TTN: variants seen among roughly 807,000 people sequenced by gnomAD.
TTN encodes the protein connectin.
Under a neutral mutation model 3,223.0 loss-of-function variants are expected in TTN, and 1,525 were observed. That is an observed-to-expected ratio of 0.47 (90% CI 0.45 to 0.49). The LOEUF (loss-of-function observed/expected upper bound fraction) is 0.49, where lower values mean the gene tolerates loss of function less well. Ranked by LOEUF, TTN falls within the 20% of genes least tolerant of loss-of-function variation. TTN has a pLI of 0.00. For synonymous variants in TTN, 14,094 were observed against 15,161.0 expected, an observed-to-expected ratio of 0.93 and a Z score of 5.17; for missense variants, 40,786 against 43,424.0, an observed-to-expected ratio of 0.94 and a Z score of 5.40.
rs1406462741 is a variant in TTN, at chr2:178,589,499, T to C, written c.62226A>G (p.Arg20742=). Residue 20742 remains arginine, a synonymous_variant, in exon 304 of 363, where the codon AGA becomes AGG. Transcript: ENST00000589042. Reference sequence around the variant, plus strand: ...CCCCACCTTCATTCTTTGTTTGCACTCTGAACTCATAAATCTGGTTTTCAA... The same window carrying C: ...CCCCACCTTCATTCTTTGTTTGCACCCTGAACTCATAAATCTGGTTTTCAA... ...RCVENQIYEF[R]VQTKNEGGES... 9 of 1,613,294 alleles carry C rather than the reference T, an allele frequency of 5.6e-6. No individual in the cohort carries two copies. Among genetic ancestry groups the C allele is most frequent in the Non-Finnish European group, 6.8e-6 (8 of 1,179,640 alleles).
chr2:178,732,999 C>G lies in TTN; in HGVS notation c.16177G>C (p.Asp5393His). 6.2e-7 allele frequency: 1 copy of G among 1,613,570 alleles called. No homozygotes were observed. The highest frequency in any genetic ancestry group is 8.5e-7 in the Non-Finnish European group (1 of 1,179,754). The change falls in exon 55 of 363, where the codon GAT becomes CAT. Residue 5393 changes from aspartate (D) to histidine (H), a missense_variant. Transcript: ENST00000589042. ...SLPMRVSWFKDGKEIAASDRY... is the reference protein window; with the variant it reads ...SLPMRVSWFKHGKEIAASDRY... The stretch of plus-strand genomic sequence containing the variant: ...TCAGAAGCAGCTATTTCTTTGCCAT[C>G]CTTAAACCAGGACACCCTCATGGGG...
In TTN at chr2:178,611,948, G is replaced by A. The variant is rs1474397801; in HGVS notation, c.50361C>T (p.Val16787=). Residue 16787 remains valine, a synonymous_variant, in exon 268 of 363, where the codon GTC becomes GTT. Transcript: ENST00000589042. ...NDGGRPIQRY[V]IEKKERLGTR... is the part of the protein sequence containing the mutation. ...TACCTAACCTTTCTTTCTTCTCAAT[G>A]ACATATCTATTGAAACAACAAAGCA... The A allele has an allele frequency of 6.2e-7, 1 of 1,611,048 alleles. No individual in the cohort carries two copies. Among genetic ancestry groups the A allele is most frequent in the Admixed American group, 1.7e-5 (1 of 59,570 alleles).
Position 178,598,582 on chromosome 2 carries a change from G to T in TTN, c.57035C>A (p.Pro19012Gln), listed in dbSNP as rs777291480. 14 of 1,608,410 alleles carry T rather than the reference G, an allele frequency of 8.7e-6. No individual in the cohort carries two copies. The highest frequency in any genetic ancestry group is 1.0e-5 in the Non-Finnish European group (12 of 1,178,586). The change falls in exon 292 of 363, where the codon CCA becomes CAA. Residue 19012 changes from proline to glutamine, a missense_variant. By Grantham distance (76) the Pro-to-Gln change is moderately conservative. Transcript: ENST00000589042. ...TACTTTGGATCCACCATCTTTTAGT[G>T]GGGGAGACCACTCCAGATCTGCAGA... ...KSSADLEWSP[P>Q]LKDGGSKVTG...
In TTN at chr2:178,710,839, C is replaced by T. The variant is rs777186750; in HGVS notation, c.28258G>A (p.Val9420Ile). The T allele has an allele frequency of 3.7e-6, 6 of 1,613,720 alleles. No homozygotes were observed. Among genetic ancestry groups the T allele is most frequent in the South Asian group, 3.3e-5 (3 of 91,084 alleles). ...ACCTTTATCGGTTGTGTGCCCGTGA[C>T]GTGGCACTCAAAGTCAGCACTTTCT... The part of the protein sequence containing the change: ...VGESADFECH[V>I]TGTQPIKVSW... The change falls in exon 98 of 363, where the codon GTC becomes ATC. Residue 9420 changes from valine to isoleucine, a missense_variant. Transcript: ENST00000589042.
chr2:178,696,330 C>A, intron 113 of TTN, 61 bp from the exon 114 acceptor site: 1 of 1,320,036 alleles, frequency 7.6e-7, no homozygotes, highest in Non-Finnish European at 1.0e-6. Context: ...CTTCACTAAA[C>A]AAAAATCTAC....
At position 178,776,893 on chromosome 2, in the gene TTN, C is replaced by G. The variant is rs2092283923; in HGVS notation, c.4971G>C (p.Glu1657Asp). The change falls in exon 28 of 363, where the codon GAG (glutamate) becomes GAC (aspartate). Residue 1657 changes from glutamate (E) to aspartate (D), a missense_variant. Glu to Asp is a conservative substitution (Grantham distance 45). Coordinates refer to ENST00000589042, the MANE Select transcript of TTN (RefSeq NM_001267550.2). ...VEVEFAEPEP[E>D]RKLIIPRGTY... ...TCCCCCGTGGGATGATTAACTTTCT[C>G]TCTGGCTCAGGCTCTGCAAACTCAA... The G allele has an allele frequency of 1.2e-6, 2 of 1,612,804 alleles. No individual in the cohort carries two copies.
intron 211 of TTN, 84 bp downstream of exon 211, chr2:178,649,733 C>T: frequency 6.4e-7 from 1 of 1,554,376 alleles, no homozygotes. Flanking sequence ...AGTTAACAAA[C>T]ATATAATACA....
At chr2:178,666,784 A>T in intron 163 of TTN, 40 bp downstream of exon 163, 1 of 1,498,304 alleles carries the variant, frequency 6.7e-7, no homozygotes, top group Non-Finnish European at 9.0e-7. Context: ...GTACAACTGC[A>T]AACATGAGAT....
In TTN at chr2:178,548,072, C is replaced by A. The variant is rs771533925; in HGVS notation, c.93554G>T (p.Arg31185Leu). 1 of 1,613,844 alleles carries A rather than the reference C, an allele frequency of 6.2e-7. No homozygotes were observed. The highest frequency in any genetic ancestry group is 2.2e-5 in the East Asian group (1 of 44,868). The change falls in exon 339 of 363, where the codon CGT (arginine) becomes CTT (leucine). Residue 31185 changes from arginine (R) to leucine (L), a missense_variant. Physicochemically the swap from Arg to Leu is moderately radical, Grantham distance 102. Coordinates refer to ENST00000589042, the MANE Select transcript of TTN (RefSeq NM_001267550.2). This position sits in a 1 kb window ranked among gnomAD's most constrained non-coding sequence, Gnocchi z 4.3. ...GCCAGCATCATTCTTGGCCTTCACA[C>A]GGAATTCATATTCAGTTTTCTCAAC... ...RLVEKTEYEF[R>L]VKAKNDAGYS...
intron 43 of TTN, among the ~76,000 whole-genome samples, chr2:178,762,950 A>G (rs2089596187): frequency 6.6e-6 from 1 of 152,250 alleles, no homozygotes; most frequent in Non-Finnish European, 1.5e-5. Context: ...CACCATCTCC[A>G]TTCCTGAGGA....
chr2:178,616,487 A>G lies in TTN; in HGVS notation c.48304T>C (p.Trp16102Arg), dbSNP rs1177161673. ...TGCTGCTCAAAACTCACTTTAGTCC[A>G]TGTTTTCCGGCTGACTTCTCGTTTT... ...VEKREVSRKTWTKVMDFVTDL... is the reference protein window; with the variant it reads ...VEKREVSRKTRTKVMDFVTDL... Residue 16102 changes from tryptophan (W) to arginine (R), a missense_variant, in exon 257 of 363, where the codon TGG (tryptophan) becomes CGG (arginine). Coordinates refer to ENST00000589042, the MANE Select transcript of TTN (RefSeq NM_001267550.2). The G allele has an allele frequency of 1.2e-6, 2 of 1,612,088 alleles. No homozygotes were observed. The highest frequency in any genetic ancestry group is 1.7e-6 in the Non-Finnish European group (2 of 1,178,744).
At position 178,636,883 on chromosome 2, in the gene TTN, CA is replaced by C; in HGVS notation, c.40928-85del. The C allele has an allele frequency of 6.9e-7, 1 of 1,440,020 alleles. No homozygotes were observed. The highest frequency in any genetic ancestry group is 9.2e-7 in the Non-Finnish European group (1 of 1,085,954). 89.2% of individuals were successfully genotyped at this position (1,440,020 alleles called of 1,614,324 possible). ...TACTTGGCTGCCTGCTGGATAAAAC[CA>C]GCCGTAAAGCAATTAGAAGACGAGA... On this transcript the variant is annotated intron_variant, in intron 224 of 362. Transcript: ENST00000589042. The surrounding 1 kb of genome is among the most constrained non-coding windows in gnomAD (Gnocchi z 4.3).
Position 178,645,902 on chromosome 2 carries a change from G to A in TTN, c.40408+18C>T. 1.3e-6 allele frequency: 2 copies of A among 1,487,954 alleles called. No individual in the cohort carries two copies. The highest frequency in any genetic ancestry group is 1.8e-6 in the Non-Finnish European group (2 of 1,104,700). The allele number at this position is 1,487,954 out of a possible 1,614,324, so 92.2% of individuals were successfully genotyped here. ...GTTTGAAGCAGGCTAATAAAACTTT[G>A]GAAGTGGCATTTTTTACCTTTAAGT... On this transcript the variant is annotated intron_variant, in intron 217 of 362. Coordinates refer to ENST00000589042, the MANE Select transcript of TTN (RefSeq NM_001267550.2).
intron 332 of TTN, 90 bp from the exon 333 acceptor site, chr2:178,554,306 G>A: frequency 6.9e-7 from 1 of 1,452,858 alleles, no homozygotes; most frequent in Non-Finnish European, 9.3e-7. Flanking sequence ...CAAGAACATT[G>A]GTTTTATTTT....
At position 178,735,792 on chromosome 2, in the gene TTN, A is replaced by G. The variant is rs794729605; in HGVS notation, c.14654T>C (p.Ile4885Thr). The G allele has an allele frequency of 4.3e-6, 7 of 1,613,760 alleles. No individual in the cohort carries two copies. The highest frequency in any genetic ancestry group is 3.3e-5 in the South Asian group (3 of 91,078). The change falls in exon 50 of 363, where the codon ATT becomes ACT. Residue 4885 changes from isoleucine to threonine, a missense_variant. By Grantham distance (89) the Ile-to-Thr change is moderately conservative (BLOSUM62 -1). Transcript: ENST00000589042. ...ADICQAELII[I>T]DKPHFIKELE... is the part of the protein sequence containing the mutation. ...TTCTTTAATGAAATGTGGCTTATCA[A>G]TGATGATCAACTCTGCTTGGCAGAT...
intron 210 of TTN, 125 bp downstream of exon 210, chr2:178,650,039 T>G: frequency 7.7e-7 from 1 of 1,306,420 alleles, no homozygotes. Context: ...GAAATAACTT[T>G]TGTTCTTAAT....
intron 52 of TTN, 126 bp from the exon 53 acceptor site, chr2:178,734,018 T>A: frequency 1.0e-6 from 1 of 969,402 alleles, no homozygotes; most frequent in Non-Finnish European, 1.4e-6. Context: ...TAGTGTTAAT[T>A]AGAAGAAGAA....
chr2:178,607,935 G>A lies in TTN; in HGVS notation c.52852C>T (p.Arg17618Cys), dbSNP rs201213901. ...ACCTTGATCATCTTCTCTGTGCAGC[G>A]TGACCATTCATTTGTGCCAACCAAC... ...KQLVGTNEWS[R>C]CTEKMIKVRQ... Residue 17618 changes from arginine (R) to cysteine (C), a missense_variant, in exon 276 of 363, where the codon CGC becomes TGC. By Grantham distance (180) the Arg-to-Cys change is radical (BLOSUM62 -3). Transcript: ENST00000589042. 2,138 of 1,612,904 alleles carry A rather than the reference G, an allele frequency of 1.3e-3. 4 individuals carry two copies. The highest frequency in any genetic ancestry group is 1.7e-3 in the Non-Finnish European group (2,030 of 1,179,268).
At position 178,785,790 on chromosome 2, in the gene TTN, C is replaced by T. The variant is rs909548620; in HGVS notation, c.2371-48G>A. 4 of 1,614,028 alleles carry T rather than the reference C, an allele frequency of 2.5e-6. No homozygotes were observed. In the African/African-American group the frequency reaches 5.3e-5, roughly 22 times the overall value. On this transcript the variant is annotated intron_variant, in intron 14 of 362. Coordinates refer to ENST00000589042, the MANE Select transcript of TTN (RefSeq NM_001267550.2). ...GATACCATTGATCACCAGATGACCA[C>T]AGCAGTGAGGCTTGCTTTACCATGA...
Sources: allele counts gnomAD v4.1 joint callset (sites outside exome capture counted in the v4.1 genomes callset), GRCh38; gene constraint gnomAD v4.1.1; non-coding constraint Gnocchi (gnomAD v3.1); transcripts MANE v1.5; gene names NCBI Gene and HGNC (gene_info 2026-07-23, HGNC 2026-07-21).